The following ARID2 variants were observed in gnomAD, a reference collection of about 807,000 sequenced individuals.
ARID2 encodes AT-rich interactive domain-containing protein 2.
ARID2 carries 32 observed loss-of-function variants against 184.6 expected under a neutral mutation model. The ratio of observed to expected loss-of-function variants is 0.17; its 90% CI spans 0.13 to 0.23. The LOEUF (loss-of-function observed/expected upper bound fraction) is 0.23. Among genes scored for constraint, ARID2 ranks in the 10% least tolerant of loss-of-function variants. The pLI is 1.00. For synonymous variants in ARID2, 836 were observed against 772.6 expected (o/e 1.08, Z -1.36); for missense variants, 1,696 against 2,197.6 (o/e 0.77, Z 4.56).
chr12:45,867,570 G>A (rs1295632693), intron 16 of ARID2, among the ~76,000 whole-genome samples: 3 of 149,288 alleles, frequency 2.0e-5, no homozygotes, highest in South Asian at 2.3e-4. Context: ...GTGAAACCCC[G>A]TCTCTACTAA....
At chr12:45,883,195 A>T (rs1944132265) in intron 16 of ARID2, among the ~76,000 whole-genome samples, 2 of 152,068 alleles carry the variant, frequency 1.3e-5, no homozygotes, top group African/African-American at 2.4e-5. Context: ...TTAACTACTG[A>T]TTTGCCATAA....
intron 3 of ARID2, among the ~76,000 whole-genome samples, chr12:45,788,886 G>A (rs1942242882): frequency 6.6e-6 from 1 of 152,154 alleles, no homozygotes; most frequent in South Asian, 2.1e-4. Flanking sequence ...TAAATGTGCT[G>A]AACTGTTTAA....
intron 16 of ARID2, among the ~76,000 whole-genome samples, chr12:45,884,328 G>A (rs1944149860): frequency 6.6e-6 from 1 of 152,128 alleles, no homozygotes; most frequent in Admixed American, 6.5e-5. Flanking sequence ...CCTGGGAGGT[G>A]GAGGTTGCAG....
chr12:45,856,116 G>A (rs535352544), intron 15 of ARID2, among the ~76,000 whole-genome samples: 33 of 123,922 alleles, frequency 2.7e-4, no homozygotes, highest in South Asian at 7.5e-4. Context: ...GCTCTGTTGC[G>A]TAGGCTGGAG....
At chr12:45,771,329 C>G (rs1490131784) in intron 3 of ARID2, among the ~76,000 whole-genome samples, 4 of 149,080 alleles carry the variant, frequency 2.7e-5, no homozygotes, top group Non-Finnish European at 5.9e-5. Context: ...CTGCACTCCA[C>G]CTGGGCAACA....
At chr12:45,828,421 A>G (rs1043922499) in intron 6 of ARID2, among the ~76,000 whole-genome samples, 3 of 152,046 alleles carry the variant, frequency 2.0e-5, no homozygotes, top group Non-Finnish European at 4.4e-5. Context: ...TTTGCTATGA[A>G]GGGTTTTATA....
chr12:45,900,275 G>C (rs1220450430), intron 20 of ARID2, among the ~76,000 whole-genome samples: 5 of 152,062 alleles, frequency 3.3e-5, no homozygotes, highest in Non-Finnish European at 7.4e-5. Context: ...GGGCCAGGCT[G>C]GTCCTCAATT....
At chr12:45,893,370 C>T (rs1197529951) in intron 18 of ARID2, 50 bp from the exon 19 acceptor site, 2 of 1,557,952 alleles carry the variant, frequency 1.3e-6, no homozygotes, top group South Asian at 2.4e-5. Flanking sequence ...GTCAGTCTGT[C>T]TGCAGTATCA....
At chr12:45,866,184 A>G (rs890006398) in intron 16 of ARID2, among the ~76,000 whole-genome samples, 9 of 152,088 alleles carry the variant, frequency 5.9e-5, no homozygotes, top group African/African-American at 2.2e-4. Context: ...ATGTCAATAC[A>G]TAGATTTACT....
chr12:45,741,524 G>T (rs1941257040), intron 3 of ARID2, among the ~76,000 whole-genome samples: 1 of 151,972 alleles, frequency 6.6e-6, no homozygotes, highest in Non-Finnish European at 1.5e-5. Context: ...TTTACATATG[G>T]GACATATTTT....
Position 45,860,809 on chromosome 12 carries a change from T to A in ARID2, c.4782T>A (p.Pro1594=). ...TTTGTTCTTTTTCACAGAACACTCC[T>A]ATGCCACCTTCACCAGCTGTACAAG... The part of the protein sequence containing the change: ...YVQNVVPQNT[P]MPPSPAVQVQ... The change falls in exon 16 of 21, where the codon CCT becomes CCA. Residue 1594 remains proline (P), a synonymous_variant. Transcript: ENST00000334344. 6.3e-7 allele frequency: 1 copy of A among 1,588,970 alleles called. No homozygotes were observed. Among genetic ancestry groups the A allele is most frequent in the African/African-American group, 1.4e-5 (1 of 73,962 alleles).
intron 3 of ARID2, among the ~76,000 whole-genome samples, chr12:45,756,739 G>A (rs879926616): frequency 4.6e-5 from 7 of 152,180 alleles, no homozygotes; most frequent in African/African-American, 1.7e-4. Flanking sequence ...GGCTGAGGCG[G>A]GAGGATTGCT....
chr12:45,731,118 G>A (rs575303756), intron 2 of ARID2, 99 bp from the exon 3 acceptor site: 4 of 843,368 alleles, frequency 4.7e-6, no homozygotes, highest in Admixed American at 1.9e-5. Flanking sequence ...GATGCCTTAG[G>A]TATCTACAGA....
intron 3 of ARID2, among the ~76,000 whole-genome samples, chr12:45,794,127 G>A (rs1287420366): frequency 6.6e-6 from 1 of 152,148 alleles, no homozygotes; most frequent in East Asian, 1.9e-4. Context: ...GAACCCAGTT[G>A]CCGTCAATCA....
intron 3 of ARID2, among the ~76,000 whole-genome samples, chr12:45,735,380 T>C (rs186469928): frequency 3.1e-4 from 47 of 151,852 alleles, no homozygotes; most frequent in Non-Finnish European, 8.8e-5. Flanking sequence ...AATAAGTTAT[T>C]CATGCATGTA....
Position 45,850,171 on chromosome 12 carries a change from G to A in ARID2, c.2048G>A (p.Arg683Lys), listed in dbSNP as rs1204953000. The change falls in exon 15 of 21, where the codon AGA becomes AAA. Residue 683 changes from arginine (R) to lysine (K), a missense_variant. Physicochemically the swap from Arg to Lys is conservative, Grantham distance 26. This residue lies in a region of ARID2 where 713 missense variants were observed against 824.4 expected (regional missense o/e 0.86). Coordinates refer to ENST00000334344, the MANE Select transcript of ARID2 (RefSeq NM_152641.4). ...GVHTVAQTVS[R>K]IPQNPSPHTH... ...CATACTGTGGCACAAACTGTTTCAA[G>A]AATTCCACAAAATCCTTCACCTCAT... 9.9e-6 allele frequency: 16 copies of A among 1,613,968 alleles called. No individual in the cohort carries two copies. The highest frequency in any genetic ancestry group is 1.2e-5 in the Non-Finnish European group (14 of 1,179,988).
intron 6 of ARID2, 26 bp from the exon 7 acceptor site, chr12:45,836,563 G>A (rs2138124928): frequency 6.3e-7 from 1 of 1,586,338 alleles, no homozygotes. Context: ...TCAAATCATG[G>A]AGAATTAAAT....
rs138473940 is a variant in ARID2, at chr12:45,869,128, G to T, written c.4922+8179G>T. On this transcript the variant is annotated intron_variant, in intron 16 of 20. Coordinates refer to ENST00000334344, the MANE Select transcript of ARID2 (RefSeq NM_152641.4). ...TTCGCCTCCCAGGTTCAAGCGATTCGCCTGCCTCAGCCTGAGTAGCTGGGA... is the reference window on the plus strand; with the variant it reads ...TTCGCCTCCCAGGTTCAAGCGATTCTCCTGCCTCAGCCTGAGTAGCTGGGA... 7.1e-3 allele frequency among the ~76,000 whole-genome samples: 1,070 copies of T among 151,552 alleles called. 10 individuals carry two copies. The highest frequency in any genetic ancestry group is 0.024 in the African/African-American group (1,010 of 41,328).
intron 6 of ARID2, among the ~76,000 whole-genome samples, chr12:45,826,565 C>T (rs566301914): frequency 6.6e-6 from 1 of 152,050 alleles, no homozygotes; most frequent in Admixed American, 6.6e-5. Context: ...CAGACTCCTG[C>T]CACCATGCTT....
Sources: gnomAD v4.1 joint callset for allele counts (sites outside exome capture counted in the v4.1 genomes callset) on GRCh38, gnomAD v4.1.1 for gene constraint, gnomAD v4.1.1 regional missense constraint, MANE v1.5 for transcripts, NCBI Gene and HGNC (gene_info 2026-07-23, HGNC 2026-07-21) for gene names.